ELF1: variants seen among roughly 807,000 people sequenced by gnomAD.
ELF1 encodes ETS-related transcription factor Elf-1.
ELF1 carries 24 observed loss-of-function variants against 59.9 expected under a neutral mutation model. The ratio of observed to expected loss-of-function variants is 0.40; its 90% CI spans 0.29 to 0.56. The LOEUF (loss-of-function observed/expected upper bound fraction) is 0.56, where lower values mean the gene tolerates loss of function less well. Ranked by LOEUF, ELF1 falls within the 20% of genes least tolerant of loss-of-function variation. The probability of loss-of-function intolerance (pLI) is 0.44; values close to 1 mark genes in which losing one functional copy is unlikely to be tolerated. For synonymous variants in ELF1, 248 were observed against 266.2 expected, an observed-to-expected ratio of 0.93 and a Z score of 0.67; for missense variants, 627 against 742.2, an observed-to-expected ratio of 0.84 and a Z score of 1.80.
At chr13:40,958,562 A>C (rs1871603840) in intron 3 of ELF1, among the ~76,000 whole-genome samples, 1 of 151,872 alleles carries the variant, frequency 6.6e-6, no homozygotes, top group African/African-American at 2.4e-5. Flanking sequence ...TGAAGACTTG[A>C]TGAATTGAGG....
chr13:41,058,966 T>A (rs1453068274), intron 1 of ELF1, among the ~76,000 whole-genome samples: 1 of 151,634 alleles, frequency 6.6e-6, no homozygotes, highest in Non-Finnish European at 1.5e-5. Flanking sequence ...AGAGCGAGAC[T>A]CCGTCTCAAC....
In ELF1 at chr13:40,982,691, C is replaced by T. The variant is rs191165946; in HGVS notation, c.-228-409G>A. Among the ~76,000 whole-genome samples, 156 of 152,072 alleles carry T rather than the reference C, an allele frequency of 1.0e-3. 5 individuals carry two copies. The East Asian group carries it at 0.028, about 27-fold the overall frequency. ...TGCTACCCAATGAGTAATTTCACAA[C>T]GTATATATTTTCACCTTTAAGAGGA... is the stretch of plus-strand genomic sequence containing the variant. On this transcript the variant is annotated intron_variant, in intron 1 of 8. Transcript: ENST00000239882.
intron 1 of ELF1, among the ~76,000 whole-genome samples, chr13:41,014,026 C>G (rs916855413): frequency 1.3e-5 from 2 of 152,090 alleles, no homozygotes; most frequent in Non-Finnish European, 1.5e-5. Context: ...CACGTAGATA[C>G]TGCAGCATGT....
chr13:40,943,186 T>G, intron 6 of ELF1, 42 bp from the exon 7 acceptor site: 1 of 1,439,388 alleles, frequency 6.9e-7, no homozygotes, highest in South Asian at 1.7e-5. Flanking sequence ...CAAAATTTCA[T>G]TTAAAAGAAC....
At chr13:40,954,981 G>A (rs1405784469) in intron 3 of ELF1, among the ~76,000 whole-genome samples, 6 of 146,820 alleles carry the variant, frequency 4.1e-5, no homozygotes, top group East Asian at 2.0e-4. Flanking sequence ...CTGCCCGGCC[G>A]CCATCCCATC....
rs751176591 is a variant in ELF1 at position 40,933,688 on chromosome 13, G to A, written c.1597C>T (p.Pro533Ser). Reference protein sequence around the residue: ...ASSPSFSATAPVVTFSPRSSQ... With the variant: ...ASSPSFSATASVVTFSPRSSQ... The stretch of plus-strand genomic sequence containing the variant: ...CTGCGAGGAGAAAAGGTCACCACAG[G>A]TGCAGTAGCACTGAAGGATGGAGAG... The change falls in exon 9 of 9, where the codon CCT (proline) becomes TCT (serine). Residue 533 changes from proline (P) to serine (S), a missense_variant. Pro to Ser is a moderately conservative substitution (Grantham distance 74). Transcript: ENST00000239882. 2 of 1,614,166 alleles carry A rather than the reference G, an allele frequency of 1.2e-6. No individual in the cohort carries two copies. Among genetic ancestry groups the A allele is most frequent in the African/African-American group, 1.3e-5 (1 of 74,958 alleles).
chr13:40,946,566 G>A (rs1870524698), intron 5 of ELF1, among the ~76,000 whole-genome samples: 2 of 152,114 alleles, frequency 1.3e-5, no homozygotes, highest in Non-Finnish European at 2.9e-5. Flanking sequence ...TTTCAATAAA[G>A]TTACATCAAG....
chr13:40,957,517 A>G (rs950512093), intron 3 of ELF1, among the ~76,000 whole-genome samples: 30 of 151,682 alleles, frequency 2.0e-4, no homozygotes, highest in African/African-American at 6.8e-4. Context: ...TTAAAAAAAA[A>G]AAAAAGAAAA....
At chr13:41,012,579 TTGTCACTCAGGC>T (rs1276856716) in intron 1 of ELF1, among the ~76,000 whole-genome samples, 1 of 151,004 alleles carries the variant, frequency 6.6e-6, no homozygotes, top group African/African-American at 2.4e-5. Context: ...GATTCTTGTT[TTGTCACTCAGGC>T]TGAAGTGCAG....
intron 1 of ELF1, among the ~76,000 whole-genome samples, chr13:41,055,564 T>C (rs773073620): frequency 2.6e-5 from 4 of 152,078 alleles, no homozygotes; most frequent in Admixed American, 6.6e-5. Context: ...AAACTATGTA[T>C]TGTATCATAA....
intron 8 of ELF1, among the ~76,000 whole-genome samples, chr13:40,939,108 G>A (rs574180158): frequency 3.9e-5 from 6 of 152,124 alleles, no homozygotes; most frequent in African/African-American, 4.8e-5. Flanking sequence ...CAAGGTGGTA[G>A]GATTGCTTGG....
At chr13:40,956,480 T>TCACTTATCTG (rs1450428269) in intron 3 of ELF1, among the ~76,000 whole-genome samples, 1 of 150,742 alleles carries the variant, frequency 6.6e-6, no homozygotes, top group Non-Finnish European at 1.5e-5. Flanking sequence ...AGACCTTTGT[T>TCACTTATCTG]CACTTATCTG....
chr13:41,040,719 G>C (rs1383733008), intron 1 of ELF1, among the ~76,000 whole-genome samples: 1 of 152,158 alleles, frequency 6.6e-6, no homozygotes, highest in Non-Finnish European at 1.5e-5. Flanking sequence ...CTCATCTGCT[G>C]CTCATCTCTT....
chr13:41,011,643 C>T (rs749265501), intron 1 of ELF1, among the ~76,000 whole-genome samples: 18 of 151,932 alleles, frequency 1.2e-4, no homozygotes, highest in Non-Finnish European at 2.2e-4. Flanking sequence ...GGGGTTTCAT[C>T]GTATTTTGCA....
At chr13:41,049,342 A>AT (rs1467142708) in intron 1 of ELF1, among the ~76,000 whole-genome samples, 1 of 152,190 alleles carries the variant, frequency 6.6e-6, no homozygotes, top group Non-Finnish European at 1.5e-5. Context: ...CCCCTCCAAC[A>AT]TTCAAGCACC....
At chr13:41,058,616 G>A (rs1426590113) in intron 1 of ELF1, among the ~76,000 whole-genome samples, 1 of 152,208 alleles carries the variant, frequency 6.6e-6, no homozygotes, top group African/African-American at 2.4e-5. Flanking sequence ...ATTACTGAGT[G>A]CACAGTTGAA....
At chr13:41,059,555 C>G (rs979827080) in intron 1 of ELF1, among the ~76,000 whole-genome samples, 1 of 152,222 alleles carries the variant, frequency 6.6e-6, no homozygotes, top group African/African-American at 2.4e-5. Context: ...ACCAAAACAT[C>G]TGCTTTCAGT....
intron 1 of ELF1, among the ~76,000 whole-genome samples, chr13:41,016,459 T>G (rs1875368266): frequency 6.6e-6 from 1 of 152,062 alleles, no homozygotes; most frequent in South Asian, 2.1e-4. Context: ...CAAAGATAAA[T>G]AAAATGAGAT....
intron 2 of ELF1, among the ~76,000 whole-genome samples, chr13:40,971,478 T>C (rs1157679785): frequency 6.6e-6 from 1 of 152,180 alleles, no homozygotes; most frequent in Admixed American, 6.5e-5. Flanking sequence ...CTCAAACTCC[T>C]GGGCTCAAGC....
Sources: gnomAD v4.1 joint callset for allele counts (sites outside exome capture counted in the v4.1 genomes callset) on GRCh38, gnomAD v4.1.1 for gene constraint, MANE v1.5 for transcripts, NCBI Gene and HGNC (gene_info 2026-07-23, HGNC 2026-07-21) for gene names.